CREB5: variants seen among roughly 807,000 people sequenced by gnomAD.
CREB5 encodes the protein cAMP responsive element binding protein 5.
In CREB5, 19 loss-of-function variants were observed where a neutral mutation model predicts 57.1. The ratio of observed to expected loss-of-function variants is 0.33; its 90% confidence interval spans 0.23 to 0.49. CREB5 has a LOEUF of 0.49. Among genes scored for constraint, CREB5 ranks in the 20% least tolerant of loss-of-function variants. CREB5 has a pLI of 0.99. For synonymous variants in CREB5, 238 were observed against 238.3 expected, an observed-to-expected ratio of 1.00 and a Z score of 0.01; for missense variants, 579 against 671.6, an observed-to-expected ratio of 0.86 and a Z score of 1.52.
At chr7:28,686,201 T>C (rs1284512748) in intron 5 of CREB5, 107 of 1,607,580 alleles carry the variant, frequency 6.7e-5, no homozygotes, top group Non-Finnish European at 9.0e-5. Flanking sequence ...CCATGAGGTT[T>C]GTTTTTAATT....
intron 1 of CREB5, among the ~76,000 whole-genome samples, chr7:28,386,017 A>G (rs1051252085): frequency 3.9e-5 from 6 of 152,204 alleles, no homozygotes; most frequent in African/African-American, 1.4e-4. Context: ...CTTTCCTCCC[A>G]TCTTACATAA....
intron 3 of CREB5, among the ~76,000 whole-genome samples, chr7:28,499,058 G>A (rs1472330795): frequency 2.6e-5 from 4 of 151,956 alleles, no homozygotes; most frequent in Non-Finnish European, 5.9e-5. Flanking sequence ...GCGGTAAAGA[G>A]GGTGGTGTTT....
At chr7:28,733,442 C>A in intron 7 of CREB5, among the ~76,000 whole-genome samples, 1 of 152,296 alleles carries the variant, frequency 6.6e-6, no homozygotes, top group East Asian at 1.9e-4. Context: ...CTCAGGAGCC[C>A]GGCATTTTCC....
intron 1 of CREB5, among the ~76,000 whole-genome samples, chr7:28,354,676 T>C (rs1018330855): frequency 2.0e-5 from 3 of 152,212 alleles, no homozygotes; most frequent in Non-Finnish European, 4.4e-5. Context: ...CAGACTCTGT[T>C]GGTTGACTCA....
At chr7:28,316,919 G>A (rs987138422) in intron 1 of CREB5, among the ~76,000 whole-genome samples, 7 of 151,746 alleles carry the variant, frequency 4.6e-5, no homozygotes, top group Non-Finnish European at 1.0e-4. Context: ...CTTGAAGATT[G>A]TTGAAAGAGC....
chr7:28,508,816 C>T (rs1028012906), intron 4 of CREB5, among the ~76,000 whole-genome samples: 11 of 152,248 alleles, frequency 7.2e-5, no homozygotes, highest in African/African-American at 2.4e-4. Flanking sequence ...ACTCTCTCCT[C>T]CACTCCCCCT....
intron 7 of CREB5, among the ~76,000 whole-genome samples, chr7:28,791,530 T>C (rs1196503555): frequency 1.3e-5 from 2 of 152,230 alleles, no homozygotes; most frequent in Admixed American, 6.5e-5. Context: ...TAACATTTCT[T>C]CACAGGAATT....
chr7:28,751,938 TC>T (rs1805000727), intron 7 of CREB5, among the ~76,000 whole-genome samples: 1 of 152,200 alleles, frequency 6.6e-6, no homozygotes, highest in Non-Finnish European at 1.5e-5. Flanking sequence ...ACCGGTCAGT[TC>T]TTTTGTGGAA....
chr7:28,515,427 T>A (rs1237350191), intron 4 of CREB5, among the ~76,000 whole-genome samples: 1 of 152,174 alleles, frequency 6.6e-6, no homozygotes, highest in Non-Finnish European at 1.5e-5. Context: ...GACAATTCCT[T>A]TATCGTACAT....
chr7:28,535,647 G>A (rs1431643182), intron 4 of CREB5, among the ~76,000 whole-genome samples: 1 of 151,948 alleles, frequency 6.6e-6, no homozygotes, highest in Non-Finnish European at 1.5e-5. Flanking sequence ...AAAGAGAAGG[G>A]AAGGAAGGAA....
chr7:28,511,500 T>C lies in CREB5; in HGVS notation c.291+3763T>C, dbSNP rs139477813. Reference sequence around the variant, plus strand: ...CTATAGGACAATTTTTTGGGCTTTTTTTGAGACAGGTTCTTACTCTGTTGC... The same window carrying C: ...CTATAGGACAATTTTTTGGGCTTTTCTTGAGACAGGTTCTTACTCTGTTGC... On this transcript the variant is annotated intron_variant, in intron 4 of 10. Coordinates refer to ENST00000357727, the MANE Select transcript of CREB5 (RefSeq NM_182898.4). Among the ~76,000 whole-genome samples the C allele has an allele frequency of 6.9e-3, 1,044 of 152,282 alleles. 12 individuals carry two copies. Among genetic ancestry groups the C allele is most frequent in the African/African-American group, 0.023 (958 of 41,538 alleles).
intron 7 of CREB5, among the ~76,000 whole-genome samples, chr7:28,786,000 C>CAT (rs760286263): frequency 3.9e-5 from 6 of 152,144 alleles, no homozygotes; most frequent in Admixed American, 6.5e-5. Flanking sequence ...CCCTTACCCC[C>CAT]ATGCAGCAGA....
At chr7:28,697,669 A>G (rs1801645110) in intron 5 of CREB5, among the ~76,000 whole-genome samples, 1 of 152,198 alleles carries the variant, frequency 6.6e-6, no homozygotes, top group South Asian at 2.1e-4. Flanking sequence ...TGAGCTAGGA[A>G]TCGCAATTGG....
At chr7:28,683,857 A>G (rs568193512) in intron 5 of CREB5, among the ~76,000 whole-genome samples, 3 of 152,226 alleles carry the variant, frequency 2.0e-5, no homozygotes, top group Non-Finnish European at 2.9e-5. Flanking sequence ...CTAATGTGGT[A>G]TAAGGAAAAT....
intron 4 of CREB5, among the ~76,000 whole-genome samples, chr7:28,538,642 G>A (rs1794077955): frequency 6.6e-6 from 1 of 152,090 alleles, no homozygotes. Flanking sequence ...TTCTCTGGGT[G>A]TAATTTGCCC....
At chr7:28,457,423 G>GAA (rs1790148462) in intron 1 of CREB5, among the ~76,000 whole-genome samples, 1 of 152,052 alleles carries the variant, frequency 6.6e-6, no homozygotes, top group Non-Finnish European at 1.5e-5. Context: ...TTCTGCATAG[G>GAA]GCAGGCAGTT....
At chr7:28,409,842 G>A (rs1326184779), upstream of CREB5, 2 of 453,230 alleles carry the variant, frequency 4.4e-6, no homozygotes, top group Non-Finnish European at 8.9e-6. This position sits in a 1 kb window ranked among gnomAD's most constrained non-coding sequence, Gnocchi z 4.4. Flanking sequence ...GGGAGCGCGC[G>A]AGTCCCCTGA....
At chr7:28,673,863 G>A (rs1428260129) in intron 5 of CREB5, among the ~76,000 whole-genome samples, 24 of 151,618 alleles carry the variant, frequency 1.6e-4, no homozygotes, top group African/African-American at 3.4e-4. Flanking sequence ...TTGTAGAGAC[G>A]GGGTCTCATC....
chr7:28,348,437 CACACACAG>C (rs1786119269), intron 1 of CREB5, among the ~76,000 whole-genome samples: 2 of 138,654 alleles, frequency 1.4e-5, no homozygotes, highest in Non-Finnish European at 3.3e-5. Context: ...CACACACACA[CACACACAG>C]ACACCTTGCA....
Sources: allele counts gnomAD v4.1 joint callset (sites outside exome capture counted in the v4.1 genomes callset), GRCh38; gene constraint gnomAD v4.1.1; non-coding constraint Gnocchi (gnomAD v3.1); transcripts MANE v1.5; gene names NCBI Gene and HGNC (gene_info 2026-07-23, HGNC 2026-07-21).